Variants in CAMSAP1 observed in about 807,000 individuals in gnomAD.
CAMSAP1 encodes calmodulin regulated spectrin associated protein 1, also known as calmodulin-regulated spectrin-associated protein 1.
CAMSAP1 carries 58 observed loss-of-function variants against 143.5 expected under a neutral mutation model. That is an observed-to-expected ratio of 0.40 (90% CI 0.33 to 0.50). The LOEUF (loss-of-function observed/expected upper bound fraction) is 0.50, where lower values mean the gene tolerates loss of function less well. Ranked by LOEUF, CAMSAP1 falls within the 20% of genes least tolerant of loss-of-function variation. The pLI is 0.45. For synonymous variants in CAMSAP1, 945 were observed against 859.3 expected, an observed-to-expected ratio of 1.10 and a Z score of -1.74; for missense variants, 1,969 against 2,115.7, an observed-to-expected ratio of 0.93 and a Z score of 1.36.
chr9:135,846,682 CAAAA>C (rs752714756), intron 7 of CAMSAP1, among the ~76,000 whole-genome samples: 3 of 53,692 alleles, frequency 5.6e-5, no homozygotes, highest in Non-Finnish European at 8.5e-5. Context: ...ACAAATTTAC[CAAAA>C]AAAAAAAAAA....
At position 135,824,694 on chromosome 9, in the gene CAMSAP1, T is replaced by G. The variant is rs1835609006; in HGVS notation, c.1315+95A>C. The G allele has an allele frequency of 2.1e-6, 2 of 947,114 alleles. No homozygotes were observed. The highest frequency in any genetic ancestry group is 5.6e-5 in the East Asian group (2 of 35,442). The allele number at this position is 947,114 out of a possible 1,614,324, so 58.7% of individuals were successfully genotyped here. ...ACAAACAAACAAACAAAAAAATCAC[T>G]ACATCAGATAAAATGATTTAATTTT... On this transcript the variant is annotated intron_variant, in intron 9 of 16. Transcript: ENST00000389532. This position sits in a 1 kb window ranked among gnomAD's most constrained non-coding sequence, Gnocchi z 4.1.
chr9:135,892,744 G>C (rs1179902654), intron 1 of CAMSAP1, among the ~76,000 whole-genome samples: 1 of 149,724 alleles, frequency 6.7e-6, no homozygotes, highest in Non-Finnish European at 1.5e-5. Context: ...CCAGCTATTC[G>C]GGAGGCTGAG....
At chr9:135,846,097 A>G (rs894145817) in intron 7 of CAMSAP1, among the ~76,000 whole-genome samples, 3 of 143,466 alleles carry the variant, frequency 2.1e-5, no homozygotes, top group African/African-American at 7.9e-5. Context: ...AAAAAAACGA[A>G]GCTGGAGGCA....
At chr9:135,843,648 G>A (rs1836443677) in intron 7 of CAMSAP1, among the ~76,000 whole-genome samples, 1 of 151,944 alleles carries the variant, frequency 6.6e-6, no homozygotes, top group South Asian at 2.1e-4. Flanking sequence ...GAGACAGGTG[G>A]ATCACGAGGT....
chr9:135,865,118 G>A (rs548435663), intron 4 of CAMSAP1: 6 of 559,968 alleles, frequency 1.1e-5, no homozygotes, highest in South Asian at 4.7e-5. Flanking sequence ...GAAACTGGGC[G>A]AAATGTAACT....
intron 4 of CAMSAP1, among the ~76,000 whole-genome samples, chr9:135,865,617 G>C (rs1837348261): frequency 6.6e-6 from 1 of 152,188 alleles, no homozygotes; most frequent in Non-Finnish European, 1.5e-5. Flanking sequence ...ACTTGGTATG[G>C]GCTGGGTACC....
rs767038744 is a variant in CAMSAP1 at position 135,821,069 on chromosome 9, T to G, written c.3592A>C (p.Lys1198Gln). 6.2e-7 allele frequency: 1 copy of G among 1,613,918 alleles called. No individual in the cohort carries two copies. Among genetic ancestry groups the G allele is most frequent in the East Asian group, 2.2e-5 (1 of 44,812 alleles). The change falls in exon 11 of 17, where the codon AAA (lysine) becomes CAA (glutamine). Residue 1198 changes from lysine (K) to glutamine (Q), a missense_variant. Physicochemically the swap from Lys to Gln is moderately conservative, Grantham distance 53. Coordinates refer to ENST00000389532, the MANE Select transcript of CAMSAP1 (RefSeq NM_015447.4). This position sits in a 1 kb window ranked among gnomAD's most constrained non-coding sequence, Gnocchi z 4.6. ...TTCACACTCGCATCCAGAACTTCTT[T>G]GAGGCTCATCTGCTCCGAAAGAATG... ...ANILSEQMSL[K>Q]EVLDASVKEV... is the part of the protein sequence containing the mutation.
intron 16 of CAMSAP1, among the ~76,000 whole-genome samples, chr9:135,812,303 G>C (rs766505340): frequency 6.6e-6 from 1 of 152,164 alleles, no homozygotes; most frequent in Non-Finnish European, 1.5e-5. Context: ...ACAGCATGGG[G>C]TCGGAGCATG....
At chr9:135,849,852 A>G (rs1836710306) in intron 7 of CAMSAP1, 2 of 282,458 alleles carry the variant, frequency 7.1e-6, no homozygotes, top group African/African-American at 4.4e-5. Context: ...AATCTGTAGT[A>G]AACATTTTTT....
Position 135,818,711 on chromosome 9 carries a change from C to G in CAMSAP1, c.3960-95G>C. On this transcript the variant is annotated intron_variant, in intron 12 of 16. Coordinates refer to ENST00000389532, the MANE Select transcript of CAMSAP1 (RefSeq NM_015447.4). This position sits in a 1 kb window ranked among gnomAD's most constrained non-coding sequence, Gnocchi z 7.7. ...TCTGTCCAGGCGCGTTTCTCGGGTT[C>G]TCCCCGGCCGCTGGGACCAAGAGTG... The G allele has an allele frequency of 7.1e-7, 1 of 1,407,094 alleles. No individual in the cohort carries two copies. Among genetic ancestry groups the G allele is most frequent in the Non-Finnish European group, 9.5e-7 (1 of 1,049,836 alleles). The allele number at this position is 1,407,094 out of a possible 1,614,324, so 87.2% of individuals were successfully genotyped here. A position where few individuals can be genotyped will look rare whatever the true frequency, so the allele number is the denominator to read the frequency against.
At chr9:135,900,862 C>T (rs929124695) in intron 1 of CAMSAP1, among the ~76,000 whole-genome samples, 1 of 151,988 alleles carries the variant, frequency 6.6e-6, no homozygotes. Flanking sequence ...TTAAGCGATT[C>T]GTCTGCCTCA....
chr9:135,841,009 C>T (rs967835338), intron 7 of CAMSAP1, among the ~76,000 whole-genome samples: 7 of 152,060 alleles, frequency 4.6e-5, no homozygotes, highest in Non-Finnish European at 1.0e-4. Context: ...ACTGTTCATT[C>T]CCCTGGAAAG....
intron 3 of CAMSAP1, among the ~76,000 whole-genome samples, chr9:135,877,343 G>C (rs1837787074): frequency 6.6e-6 from 1 of 151,994 alleles, no homozygotes; most frequent in African/African-American, 2.4e-5. Context: ...CATTGGGGTA[G>C]AGGATTAACT....
At chr9:135,843,028 G>T (rs1295609814) in intron 7 of CAMSAP1, among the ~76,000 whole-genome samples, 1 of 151,964 alleles carries the variant, frequency 6.6e-6, no homozygotes, top group Admixed American at 6.6e-5. Flanking sequence ...AATGCCCCCA[G>T]TTAAAAGACA....
At chr9:135,906,307 T>A (rs190389208) in intron 1 of CAMSAP1, among the ~76,000 whole-genome samples, 1 of 152,358 alleles carries the variant, frequency 6.6e-6, no homozygotes, top group East Asian at 1.9e-4. Context: ...AACCTTTAAT[T>A]GTACCTGAAA....
At chr9:135,897,528 T>A (rs755543292) in intron 1 of CAMSAP1, among the ~76,000 whole-genome samples, 4 of 152,108 alleles carry the variant, frequency 2.6e-5, no homozygotes, top group Non-Finnish European at 4.4e-5. Context: ...CATGATGAGA[T>A]GAAGTGAGTT....
intron 1 of CAMSAP1, among the ~76,000 whole-genome samples, chr9:135,896,454 C>G (rs1486468341): frequency 6.6e-6 from 1 of 152,128 alleles, no homozygotes; most frequent in Non-Finnish European, 1.5e-5. Flanking sequence ...GACTTCAACA[C>G]CCCCTAGACA....
At chr9:135,860,619 A>G (rs1837152548) in intron 5 of CAMSAP1, among the ~76,000 whole-genome samples, 1 of 151,680 alleles carries the variant, frequency 6.6e-6, no homozygotes. Flanking sequence ...AAAAAAAAAA[A>G]AAGTGCCAAG....
At chr9:135,897,814 T>C (rs1252634683) in intron 1 of CAMSAP1, among the ~76,000 whole-genome samples, 1 of 152,166 alleles carries the variant, frequency 6.6e-6, no homozygotes, top group Non-Finnish European at 1.5e-5. Flanking sequence ...ACTTATGAAT[T>C]ATTTCTAAAT....
Sources: allele counts gnomAD v4.1 joint callset (sites outside exome capture counted in the v4.1 genomes callset), GRCh38; gene constraint gnomAD v4.1.1; non-coding constraint Gnocchi (gnomAD v3.1); transcripts MANE v1.5; gene names NCBI Gene and HGNC (gene_info 2026-07-23, HGNC 2026-07-21).